TG: variants seen among roughly 807,000 people sequenced by gnomAD.
The protein encoded by TG is thyroglobulin.
A neutral mutation model predicts 324.7 loss-of-function variants in TG; 270 were observed. The ratio of observed to expected loss-of-function variants is 0.83; its 90% CI spans 0.75 to 0.92. TG has a LOEUF of 0.92. Among genes scored for constraint, TG ranks in the 40% least tolerant of loss-of-function variants. The pLI is 0.00. For synonymous variants in TG, 1,401 were observed against 1,327.0 expected, an observed-to-expected ratio of 1.06 and a Z score of -1.21; for missense variants, 3,591 against 3,456.4, an observed-to-expected ratio of 1.04 and a Z score of -0.98.
chr8:133,102,418 C>T (rs1241540421), intron 43 of TG: 2 of 726,778 alleles, frequency 2.8e-6, no homozygotes, highest in Non-Finnish European at 4.7e-6. Flanking sequence ...GAGACCCACC[C>T]ATTTTCTTCA....
chr8:133,063,295 T>C (rs1842643564), intron 41 of TG, among the ~76,000 whole-genome samples: 1 of 123,836 alleles, frequency 8.1e-6, no homozygotes, highest in South Asian at 2.9e-4. Flanking sequence ...CTCCCCTCCA[T>C]CCCCTCCCCC....
intron 35 of TG, among the ~76,000 whole-genome samples, chr8:132,988,067 C>CAA (rs1450259511): frequency 1.4e-5 from 1 of 69,710 alleles, no homozygotes; most frequent in Non-Finnish European, 3.0e-5. Flanking sequence ...TACACATGCA[C>CAA]ACACACACAC....
intron 44 of TG, among the ~76,000 whole-genome samples, chr8:133,114,643 C>T (rs1371468356): frequency 6.6e-6 from 1 of 152,226 alleles, no homozygotes; most frequent in Non-Finnish European, 1.5e-5. Context: ...TTTCTGAGGG[C>T]TCTCCAGTCC....
chr8:133,012,082 A>T (rs1834562374), intron 36 of TG, 47 bp downstream of exon 36: 1 of 1,612,932 alleles, frequency 6.2e-7, no homozygotes. Flanking sequence ...AAAACCTCAC[A>T]CAAGTGCTGC....
At chr8:132,917,979 T>C (rs113972198) in intron 20 of TG, among the ~76,000 whole-genome samples, 231 of 150,128 alleles carry the variant, frequency 1.5e-3, no homozygotes, top group African/African-American at 5.2e-3. Flanking sequence ...GATTTTCCAG[T>C]GATTTTGAGG....
At position 133,131,950 on chromosome 8, in the gene TG, A is replaced by G. The variant is rs1851978032; in HGVS notation, c.7997+4A>G. ...TTTCCCACTTCATCAGATCAGGGTA[A>G]TTTTGGACCACTTGTTCAGAATTCT... On this transcript the variant is annotated splice_donor_region_variant and intron_variant, in intron 46 of 47. Transcript: ENST00000220616. 2 of 1,613,776 alleles carry G rather than the reference A, an allele frequency of 1.2e-6. No individual in the cohort carries two copies. The highest frequency in any genetic ancestry group is 1.7e-6 in the Non-Finnish European group (2 of 1,179,968).
At chr8:133,085,796 GACAA>G (rs1480415953) in intron 41 of TG, among the ~76,000 whole-genome samples, 18 of 152,272 alleles carry the variant, frequency 1.2e-4, no homozygotes, top group African/African-American at 4.3e-4. Context: ...CGGCCACTTT[GACAA>G]ACAGTTTGGC....
chr8:133,045,134 A>G, intron 41 of TG: 1 of 1,613,650 alleles, frequency 6.2e-7, no homozygotes, highest in Admixed American at 1.7e-5. Flanking sequence ...GGTGGAGGAT[A>G]AGTCAGTGGG....
intron 41 of TG, among the ~76,000 whole-genome samples, chr8:133,030,286 G>T (rs1836506159): frequency 6.6e-6 from 1 of 152,180 alleles, no homozygotes; most frequent in African/African-American, 2.4e-5. Flanking sequence ...GGTTCATTAG[G>T]ATTTAGTGAT....
intron 16 of TG, among the ~76,000 whole-genome samples, chr8:132,904,114 A>G (rs1402418981): frequency 1.3e-5 from 2 of 152,128 alleles, no homozygotes; most frequent in Admixed American, 1.3e-4. Flanking sequence ...TGGGTGGCAA[A>G]GTTAAGCTCT....
intron 34 of TG, 32 bp from the exon 35 acceptor site, chr8:132,983,318 A>G (rs754336171): frequency 5.8e-5 from 94 of 1,611,946 alleles, no homozygotes; most frequent in Non-Finnish European, 7.5e-5. Context: ...TGGGGGTAGA[A>G]AAGAACTGAA....
intron 41 of TG, among the ~76,000 whole-genome samples, chr8:133,085,924 G>C (rs1330737407): frequency 6.6e-6 from 1 of 152,160 alleles, no homozygotes; most frequent in African/African-American, 2.4e-5. Flanking sequence ...GTATGTGACT[G>C]TTCACAACAG....
Position 132,881,862 on chromosome 8 carries a change from G to A in TG, c.639-1G>A, listed in dbSNP as rs1255553376. ...TGACCGTAAATCTCATTCTCTCCAA[G>A]GTTTCCAGATGCATTTGTGACCTTC... On this transcript the variant is annotated splice_acceptor_variant, in intron 5 of 47. Transcript: ENST00000220616. LOFTEE classifies it high-confidence loss of function. 6.2e-7 allele frequency: 1 copy of A among 1,607,922 alleles called. No individual in the cohort carries two copies. The highest frequency in any genetic ancestry group is 1.7e-5 in the Admixed American group (1 of 60,004).
chr8:132,917,889 A>ATATTTTTTTT (rs528246451), intron 20 of TG, among the ~76,000 whole-genome samples: 4 of 138,766 alleles, frequency 2.9e-5, no homozygotes, highest in Admixed American at 1.5e-4. Context: ...GGTTTTTGCA[A>ATATTTTTTTT]TTTTTTTTTT....
rs144417006 is a variant in TG at position 132,975,871 on chromosome 8, C to T, written c.6199+3130C>T. ...AGCCATGATTTCTGTTTTGCAGTCA[C>T]TCACAGTCTAAGAAGGAGTTAAAGA... On this transcript the variant is annotated intron_variant, in intron 34 of 47. Transcript: ENST00000220616. Among the ~76,000 whole-genome samples, 205 of 152,298 alleles carry T rather than the reference C, an allele frequency of 1.3e-3. 2 individuals carry two copies. Among genetic ancestry groups the T allele is most frequent in the African/African-American group, 4.8e-3 (199 of 41,562 alleles).
intron 1 of TG, among the ~76,000 whole-genome samples, chr8:132,867,629 G>GA (rs1159885424): frequency 6.6e-6 from 1 of 151,522 alleles, no homozygotes; most frequent in Non-Finnish European, 1.5e-5. Context: ...GTTCTCAATG[G>GA]AAAAATAAGT....
intron 41 of TG, chr8:133,060,113 C>T (rs780775088): frequency 1.9e-6 from 3 of 1,605,378 alleles, no homozygotes; most frequent in Non-Finnish European, 2.5e-6. Flanking sequence ...CCGGGTTGGG[C>T]AGGGGCCTCT....
At chr8:133,079,577 CA>C (rs1845433679) in intron 41 of TG, among the ~76,000 whole-genome samples, 1 of 152,158 alleles carries the variant, frequency 6.6e-6, no homozygotes, top group Admixed American at 6.5e-5. Flanking sequence ...GCTCCTAAGG[CA>C]ATTCAGCATC....
rs376711807 is a variant in TG, at chr8:133,070,029, A to AAAAAAAAAAAAAAAAAAAAAC, written c.7240-25014_7240-25013insAAAAAAAAAAAAAAAAAAACA. Among the ~76,000 whole-genome samples, 9 of 109,806 alleles carry AAAAAAAAAAAAAAAAAAAAAC rather than the reference A, an allele frequency of 8.2e-5. 3 individuals are homozygous for AAAAAAAAAAAAAAAAAAAAAC. Among genetic ancestry groups the AAAAAAAAAAAAAAAAAAAAAC allele is most frequent in the African/African-American group, 3.1e-4 (8 of 25,784 alleles). The allele number at this position is 109,806 out of a possible 152,430, so 72.0% of individuals were successfully genotyped here. On this transcript the variant is annotated intron_variant, in intron 41 of 47. Transcript: ENST00000220616. Reference sequence around the variant, plus strand: ...AAAAAAAAAAAAAAAAAAAAAAAGAAAGAAAGAAAGAAAAGAAAAGAAGAA... The same window carrying AAAAAAAAAAAAAAAAAAAAAC: ...AAAAAAAAAAAAAAAAAAAAAAAGAAAAAAAAAAAAAAAAAAAAAACAGAAAGAAAGAAAAGAAAAGAAGAA...
Sources: allele counts gnomAD v4.1 joint callset (sites outside exome capture counted in the v4.1 genomes callset), GRCh38; gene constraint gnomAD v4.1.1; transcripts MANE v1.5; gene names NCBI Gene and HGNC (gene_info 2026-07-23, HGNC 2026-07-21).